Variants in SPATA17 observed in about 807,000 individuals in gnomAD.
SPATA17 encodes spermatogenesis associated 17, also known as spermatogenesis-associated protein 17.
A neutral mutation model predicts 62.2 loss-of-function variants in SPATA17; 53 were observed. The ratio of observed to expected loss-of-function variants is 0.85; its 90% CI spans 0.68 to 1.07. The LOEUF (loss-of-function observed/expected upper bound fraction) is 1.07, where lower values mean the gene tolerates loss of function less well. Among genes scored for constraint, SPATA17 ranks in the 50% least tolerant of loss-of-function variants. The pLI is 0.00. For synonymous variants in SPATA17, 146 were observed against 146.8 expected, an observed-to-expected ratio of 0.99 and a Z score of 0.04; for missense variants, 466 against 425.5, an observed-to-expected ratio of 1.10 and a Z score of -0.84.
intron 6 of SPATA17, among the ~76,000 whole-genome samples, chr1:217,763,312 G>A (rs975040037): frequency 1.3e-5 from 2 of 152,134 alleles, no homozygotes; most frequent in Non-Finnish European, 2.9e-5. Flanking sequence ...AATGTGTGTG[G>A]GTCATGAAAA....
At chr1:217,652,624 C>T (rs1670347621) in intron 3 of SPATA17, among the ~76,000 whole-genome samples, 1 of 152,084 alleles carries the variant, frequency 6.6e-6, no homozygotes, top group Non-Finnish European at 1.5e-5. Context: ...AAATCAAATG[C>T]CTCTATTTCT....
chr1:217,750,649 T>G (rs1262270528), intron 6 of SPATA17, among the ~76,000 whole-genome samples: 1 of 152,186 alleles, frequency 6.6e-6, no homozygotes. Flanking sequence ...GGGAGGTAGA[T>G]TCATACGTTT....
chr1:217,717,462 A>T (rs73095342), intron 5 of SPATA17, among the ~76,000 whole-genome samples: 1 of 152,050 alleles, frequency 6.6e-6, no homozygotes, highest in Non-Finnish European at 1.5e-5. Context: ...ATTCAAAAAA[A>T]TTAGCTGGCG....
chr1:217,749,985 C>CTCTCTCTCTA, intron 6 of SPATA17, among the ~76,000 whole-genome samples: 12 of 12,314 alleles, frequency 9.7e-4, no homozygotes, highest in East Asian at 9.2e-3. Flanking sequence ...CTCTCTCTCT[C>CTCTCTCTCTA]TATATATATA....
At chr1:217,665,297 T>A (rs574223327) in intron 3 of SPATA17, 2 of 152,218 alleles carry the variant, frequency 1.3e-5, no homozygotes, top group Non-Finnish European at 2.9e-5. Context: ...AATACTCAAG[T>A]GTGTTAGTTA....
chr1:217,777,011 CA>C (rs1291827930), intron 7 of SPATA17, among the ~76,000 whole-genome samples: 1 of 151,958 alleles, frequency 6.6e-6, no homozygotes, highest in Non-Finnish European at 1.5e-5. Flanking sequence ...TATTCAAGGG[CA>C]AAAGACTACC....
intron 6 of SPATA17, among the ~76,000 whole-genome samples, chr1:217,752,639 AAGG>A (rs1310545841): frequency 2.6e-5 from 4 of 152,192 alleles, no homozygotes; most frequent in Non-Finnish European, 5.9e-5. Flanking sequence ...ATATTTTTGA[AAGG>A]AGAGTCTTCC....
intron 3 of SPATA17, among the ~76,000 whole-genome samples, chr1:217,658,529 C>G (rs1294253943): frequency 1.3e-5 from 2 of 151,994 alleles, no homozygotes; most frequent in Non-Finnish European, 2.9e-5. Context: ...GAGGTCAAGG[C>G]GGGCAGATCA....
intron 5 of SPATA17, among the ~76,000 whole-genome samples, chr1:217,684,337 A>G (rs976133310): frequency 6.6e-6 from 1 of 152,236 alleles, no homozygotes; most frequent in African/African-American, 2.4e-5. Flanking sequence ...AAGAAATACT[A>G]ATTAATAATA....
At chr1:217,765,860 C>T (rs577855020) in intron 6 of SPATA17, among the ~76,000 whole-genome samples, 3 of 152,132 alleles carry the variant, frequency 2.0e-5, no homozygotes, top group African/African-American at 4.8e-5. Context: ...ATACACTTTA[C>T]AAATTGTTGT....
intron 5 of SPATA17, among the ~76,000 whole-genome samples, chr1:217,699,258 T>C (rs947734102): frequency 6.6e-6 from 1 of 152,208 alleles, no homozygotes; most frequent in African/African-American, 2.4e-5. Flanking sequence ...TAATTGCATA[T>C]TTAGTTCTAC....
intron 6 of SPATA17, among the ~76,000 whole-genome samples, chr1:217,773,159 T>G (rs1673496866): frequency 6.6e-6 from 1 of 152,168 alleles, no homozygotes; most frequent in African/African-American, 2.4e-5. Context: ...GGCTGGAAAT[T>G]TACACTTTTC....
chr1:217,864,927 A>G (rs767758824), intron 10 of SPATA17, among the ~76,000 whole-genome samples: 3 of 152,188 alleles, frequency 2.0e-5, no homozygotes, highest in Non-Finnish European at 2.9e-5. Flanking sequence ...AGAATGTGCA[A>G]TGCAAAGGCT....
intron 3 of SPATA17, among the ~76,000 whole-genome samples, chr1:217,662,775 T>C (rs1012258505): frequency 1.3e-5 from 2 of 152,126 alleles, no homozygotes; most frequent in Non-Finnish European, 2.9e-5. Flanking sequence ...TTCACAGATG[T>C]TTTTATTTCT....
chr1:217,712,685 A>T (rs1671905688), intron 5 of SPATA17, among the ~76,000 whole-genome samples: 1 of 151,792 alleles, frequency 6.6e-6, no homozygotes, highest in Non-Finnish European at 1.5e-5. Context: ...CATTCTGATC[A>T]TTTTTTCATA....
chr1:217,660,733 A>AT (rs1670548409), intron 3 of SPATA17, among the ~76,000 whole-genome samples: 1 of 152,184 alleles, frequency 6.6e-6, no homozygotes, highest in South Asian at 2.1e-4. Flanking sequence ...AGACGAAGAG[A>AT]TATGTGGGAC....
intron 5 of SPATA17, among the ~76,000 whole-genome samples, chr1:217,698,883 C>T (rs192761899): frequency 6.6e-6 from 1 of 152,310 alleles, no homozygotes; most frequent in East Asian, 1.9e-4. Context: ...TCCCCTCACA[C>T]CATCCCTAAC....
At chr1:217,690,522 G>A (rs1237643516) in intron 5 of SPATA17, among the ~76,000 whole-genome samples, 1 of 133,888 alleles carries the variant, frequency 7.5e-6, no homozygotes, top group East Asian at 2.2e-4. Flanking sequence ...AAGTTTTAGG[G>A]TACATGTGCA....
intron 8 of SPATA17, among the ~76,000 whole-genome samples, chr1:217,787,835 A>G (rs568750201): frequency 1.3e-5 from 2 of 152,224 alleles, no homozygotes; most frequent in African/African-American, 2.4e-5. Flanking sequence ...TTATATGTAT[A>G]TTTATTATTT....
Sources: allele counts gnomAD v4.1 joint callset (sites outside exome capture counted in the v4.1 genomes callset), GRCh38; gene constraint gnomAD v4.1.1; transcripts MANE v1.5; gene names NCBI Gene and HGNC (gene_info 2026-07-23, HGNC 2026-07-21).